GOLGA3: variants seen among roughly 807,000 people sequenced by gnomAD.
The protein encoded by GOLGA3 is golgin subfamily A member 3.
In GOLGA3, 75 loss-of-function variants were observed where a neutral mutation model predicts 169.4. The observed-to-expected ratio is 0.44, with a 90% CI of 0.37 to 0.54. The LOEUF (loss-of-function observed/expected upper bound fraction) is 0.54, where lower values mean the gene tolerates loss of function less well. Among genes scored for constraint, GOLGA3 ranks in the 20% least tolerant of loss-of-function variants. GOLGA3 has a pLI of 0.00. For synonymous variants in GOLGA3, 824 were observed against 822.4 expected (o/e 1.00, Z -0.03); for missense variants, 1,899 against 1,930.0 (o/e 0.98, Z 0.30).
intron 1 of GOLGA3, chr12:132,826,213 A>G (rs1041794224): frequency 3.5e-6 from 5 of 1,442,402 alleles, no homozygotes; most frequent in Non-Finnish European, 4.7e-6. Context: ...GCTCCCCACA[A>G]TGAAATAAAG....
intron 9 of GOLGA3, among the ~76,000 whole-genome samples, chr12:132,798,016 C>T (rs1758851275): frequency 6.6e-6 from 1 of 152,146 alleles, no homozygotes; most frequent in Non-Finnish European, 1.5e-5. Flanking sequence ...GACTGACAGC[C>T]GGGGGCCCAG....
At chr12:132,786,635 C>T in intron 14 of GOLGA3, 58 bp downstream of exon 14, 2 of 1,062,440 alleles carry the variant, frequency 1.9e-6, no homozygotes, top group Non-Finnish European at 2.6e-6. Context: ...CGCCTCCCCC[C>T]CGGCCCCCGC....
Position 132,798,480 on chromosome 12 carries a change from T to TAAA in GOLGA3, c.1801-6_1801-4dup. The TAAA allele has an allele frequency of 1.5e-6, 2 of 1,351,822 alleles. No individual in the cohort carries two copies. Among genetic ancestry groups the TAAA allele is most frequent in the Non-Finnish European group, 2.0e-6 (2 of 997,220 alleles). 83.7% of individuals were successfully genotyped at this position (1,351,822 alleles called of 1,614,324 possible). ...CCTGCCTGGGTCATCTGTCCAACCT[T>TAAA]AAAAAAAAAACCCACAAAGTAAAAA... On this transcript the variant is annotated splice_region_variant and splice_polypyrimidine_tract_variant and intron_variant, in intron 8 of 23. Coordinates refer to ENST00000450791, the MANE Select transcript of GOLGA3 (RefSeq NM_001389683.1).
intron 1 of GOLGA3, among the ~76,000 whole-genome samples, chr12:132,824,885 C>T (rs910993291): frequency 1.1e-4 from 16 of 152,160 alleles, no homozygotes; most frequent in African/African-American, 3.6e-4. Flanking sequence ...CAGACACACT[C>T]CAAGAGAACT....
Position 132,772,174 on chromosome 12 carries a change from A to C in GOLGA3, c.*931T>G, listed in dbSNP as rs1181487263. The C allele has an allele frequency of 6.6e-6, 1 of 152,272 alleles. No individual in the cohort carries two copies. Among genetic ancestry groups the C allele is most frequent in the Non-Finnish European group, 1.5e-5 (1 of 68,048 alleles). The allele number at this position is 152,272 out of a possible 1,614,324, so 9.4% of individuals were successfully genotyped here. A position where few individuals can be genotyped will look rare whatever the true frequency, so the allele number is the denominator to read the frequency against. On this transcript the variant is annotated 3_prime_UTR_variant, in exon 24 of 24. Transcript: ENST00000450791. ...TATCCCTAAATCCTGCAGGTAAATT[A>C]TTCCCAACAAATTTTCAAAAGGCAA...
intron 9 of GOLGA3, among the ~76,000 whole-genome samples, chr12:132,797,040 G>A (rs1008886123): frequency 2.6e-5 from 4 of 152,250 alleles, no homozygotes; most frequent in African/African-American, 2.4e-5. Flanking sequence ...TGGTGCTACC[G>A]GGTAAGAGAC....
chr12:132,809,946 A>G (rs922452615), intron 4 of GOLGA3, among the ~76,000 whole-genome samples: 5 of 152,098 alleles, frequency 3.3e-5, no homozygotes, highest in African/African-American at 1.2e-4. Context: ...TTGGATAAAC[A>G]TAGAAATTTT....
chr12:132,798,838 G>C lies in GOLGA3; in HGVS notation c.1801-361C>G, dbSNP rs536065347. The stretch of plus-strand genomic sequence containing the variant: ...GTAGGTGAGGAGGCTTATCTTAACT[G>C]AACAAATCCAGCCAGACACACACCA... On this transcript the variant is annotated intron_variant, in intron 8 of 23. Coordinates refer to ENST00000450791, the MANE Select transcript of GOLGA3 (RefSeq NM_001389683.1). Among the ~76,000 whole-genome samples, 3 of 152,312 alleles carry C rather than the reference G, an allele frequency of 2.0e-5. No homozygotes were observed. In the East Asian group the frequency reaches 5.8e-4, roughly 29 times the overall value.
chr12:132,804,093 C>T lies in GOLGA3; in HGVS notation c.1597+623G>A, dbSNP rs532054941. Among the ~76,000 whole-genome samples, 7 of 152,302 alleles carry T rather than the reference C, an allele frequency of 4.6e-5. No individual in the cohort carries two copies. The South Asian group carries it at 6.2e-4, about 14-fold the overall frequency. On this transcript the variant is annotated intron_variant, in intron 7 of 23. Transcript: ENST00000450791. This position sits in a 1 kb window ranked among gnomAD's most constrained non-coding sequence, Gnocchi z 4.1. ...TGCCAAGCCACATGGAAGCCCGCCG[C>T]GGCTTCCGCAATCCACTGCCCTACT...
In GOLGA3 at chr12:132,773,143, T is replaced by A. The variant is rs1255094865; in HGVS notation, c.4459A>T (p.Ser1487Cys). 4 of 1,586,958 alleles carry A rather than the reference T, an allele frequency of 2.5e-6. No homozygotes were observed. Among genetic ancestry groups the A allele is most frequent in the East Asian group, 4.6e-5 (2 of 43,502 alleles). ...AGPRGDPQRH[S>C]QSRASKEGPG... ...CCTTCTTTGGAAGCCCTGCTCTGAC[T>A]GTGTCTCTGTGGGTCGCCGCGTGGG... The change falls in exon 24 of 24, where the codon AGT (serine) becomes TGT (cysteine). Residue 1487 changes from serine (S) to cysteine (C), a missense_variant. Physicochemically the swap from Ser to Cys is moderately radical, Grantham distance 112 (BLOSUM62 -1). Transcript: ENST00000450791.
At chr12:132,781,201 G>A (rs2045585746) in intron 17 of GOLGA3, among the ~76,000 whole-genome samples, 1 of 150,666 alleles carries the variant, frequency 6.6e-6, no homozygotes, top group Admixed American at 6.6e-5. Context: ...GAGCTATGAT[G>A]GTACCACCGC....
In GOLGA3 at chr12:132,789,254, T is replaced by C. The variant is rs1394811266; in HGVS notation, c.2584A>G (p.Lys862Glu). The C allele has an allele frequency of 1.2e-6, 2 of 1,605,538 alleles. No homozygotes were observed. Among genetic ancestry groups the C allele is most frequent in the East Asian group, 2.2e-5 (1 of 44,848 alleles). ...TTCAGCTCACTGATGAGCTGGTCTT[T>C]GGAGGTGGCGTCGCGCCGGTAGGCC... ...VEAYRRDATS[K>E]DQLISELKAT... The change falls in exon 13 of 24, where the codon AAA (lysine) becomes GAA (glutamate). Residue 862 changes from lysine (K) to glutamate (E), a missense_variant. Physicochemically the swap from Lys to Glu is moderately conservative, Grantham distance 56. Coordinates refer to ENST00000450791, the MANE Select transcript of GOLGA3 (RefSeq NM_001389683.1).
intron 16 of GOLGA3, among the ~76,000 whole-genome samples, chr12:132,783,153 G>T (rs560395078): frequency 6.6e-6 from 1 of 152,176 alleles, no homozygotes; most frequent in African/African-American, 2.4e-5. Context: ...CCAAGATTGT[G>T]CACTCCAGCC....
rs1390475455 is a variant in GOLGA3, at chr12:132,771,286, C to T, written c.*1819G>A. ...ACACCATACTGTTTTCTCCACAAAA[C>T]AGACACCAGACACCGACATGAGCAC... On this transcript the variant is annotated 3_prime_UTR_variant, in exon 24 of 24. Transcript: ENST00000450791. 6.6e-6 allele frequency: 1 copy of T among 152,618 alleles called. No individual in the cohort carries two copies. Among genetic ancestry groups the T allele is most frequent in the African/African-American group, 2.4e-5 (1 of 41,444 alleles). The allele number at this position is 152,618 out of a possible 1,614,324, so 9.5% of individuals were successfully genotyped here.
At chr12:132,820,917 T>C (rs1308729635) in intron 2 of GOLGA3, among the ~76,000 whole-genome samples, 3 of 151,766 alleles carry the variant, frequency 2.0e-5, no homozygotes, top group Non-Finnish European at 2.9e-5. Flanking sequence ...CTGGCCAACA[T>C]GGTGAAACCC....
At chr12:132,787,577 G>A (rs1273386747) in intron 13 of GOLGA3, among the ~76,000 whole-genome samples, 10 of 119,764 alleles carry the variant, frequency 8.3e-5, no homozygotes, top group Non-Finnish European at 3.4e-5. Context: ...TGAGACCCCG[G>A]GACCCCTCCC....
intron 15 of GOLGA3, among the ~76,000 whole-genome samples, chr12:132,785,129 C>T (rs532422011): frequency 1.2e-4 from 19 of 152,238 alleles, no homozygotes; most frequent in South Asian, 2.1e-4. Flanking sequence ...GAAGCCCGGA[C>T]GGACACAAGA....
chr12:132,803,785 T>C (rs541545357), intron 7 of GOLGA3, among the ~76,000 whole-genome samples: 1 of 151,910 alleles, frequency 6.6e-6, no homozygotes, highest in Admixed American at 6.6e-5. Context: ...TCACATGGAG[T>C]CAGCCCTCAC....
In GOLGA3 at chr12:132,786,760, C is replaced by G; in HGVS notation, c.2839G>C (p.Val947Leu). 6.2e-7 allele frequency: 1 copy of G among 1,613,312 alleles called. No individual in the cohort carries two copies. Among genetic ancestry groups the G allele is most frequent in the Non-Finnish European group, 8.5e-7 (1 of 1,179,430 alleles). ...QSLQFDKEQMVAVTEANEALK... is the reference protein window; with the variant it reads ...QSLQFDKEQMLAVTEANEALK... ...GCCTCATTGGCCTCTGTGACCGCGA[C>G]CATCTGCTCCTTATCGAACTGCAAC... The change falls in exon 14 of 24, where the codon GTC (valine) becomes CTC (leucine). Residue 947 changes from valine (V) to leucine (L), a missense_variant. Physicochemically the swap from Val to Leu is conservative, Grantham distance 32 (BLOSUM62 1). Transcript: ENST00000450791.
Sources: allele counts gnomAD v4.1 joint callset (sites outside exome capture counted in the v4.1 genomes callset), GRCh38; gene constraint gnomAD v4.1.1; non-coding constraint Gnocchi (gnomAD v3.1); transcripts MANE v1.5; gene names NCBI Gene and HGNC (gene_info 2026-07-23, HGNC 2026-07-21).